The following ACTR3C variants were observed in gnomAD, a reference collection of about 807,000 sequenced individuals.
ACTR3C encodes the protein actin related protein 3C, also known as actin-related protein 3C.
ACTR3C carries 18 observed loss-of-function variants against 26.3 expected under a neutral mutation model. That is an observed-to-expected ratio of 0.68 (90% CI 0.47 to 1.01). ACTR3C has a LOEUF of 1.01. ACTR3C is among the 50% of genes least tolerant of loss of function. The probability of loss-of-function intolerance (pLI) is 0.00; values close to 1 mark genes in which losing one functional copy is unlikely to be tolerated. For synonymous variants in ACTR3C, 55 were observed against 94.5 expected (o/e 0.58, Z 2.42); for missense variants, 184 against 250.7 (o/e 0.73, Z 1.80).
At chr7:150,069,270 C>A in the ACTR3C span, among the ~76,000 whole-genome samples, 1 of 152,020 alleles carries the variant, frequency 6.6e-6, no homozygotes, top group South Asian at 2.1e-4. Context: ...ATAATTATGA[C>A]CTTTTTGTTT....
the ACTR3C span, among the ~76,000 whole-genome samples, chr7:150,041,698 CCCA>C: frequency 2.1e-5 from 3 of 145,114 alleles, no homozygotes; most frequent in East Asian, 2.1e-4. Flanking sequence ...ACTCTCAGTC[CCCA>C]CCCTCGCGGG....
chr7:150,288,908 T>C lies in ACTR3C; in HGVS notation c.297+542A>G, dbSNP rs1835990907. 2.0e-5 allele frequency among the ~76,000 whole-genome samples: 3 copies of C among 151,678 alleles called. No individual in the cohort carries two copies. The South Asian group carries it at 6.3e-4, about 32-fold the overall frequency. The stretch of plus-strand genomic sequence containing the variant: ...TTCCTTTCCTTCAGCCAGCCTCAGT[T>C]ACGAGGTGCTGAGAAGGGAGGAAGG... On this transcript the variant is annotated intron_variant, in intron 4 of 7. Coordinates refer to ENST00000683684, the MANE Select transcript of ACTR3C (RefSeq NM_001164458.2).
chr7:150,128,994 T>C, the ACTR3C span, among the ~76,000 whole-genome samples: 1 of 150,618 alleles, frequency 6.6e-6, no homozygotes. Context: ...AGGAGTTCGG[T>C]AAAGCTAGAC....
the ACTR3C span, among the ~76,000 whole-genome samples, chr7:149,929,651 C>G: frequency 6.6e-6 from 1 of 151,432 alleles, no homozygotes; most frequent in African/African-American, 2.4e-5. Flanking sequence ...CCTGAGCAGC[C>G]TCCAAAGCAG....
the ACTR3C span, among the ~76,000 whole-genome samples, chr7:150,130,914 A>C: frequency 2.1e-5 from 3 of 142,782 alleles, no homozygotes; most frequent in East Asian, 3.9e-4. Context: ...CATTTATATG[A>C]ATTCTAGAAA....
the ACTR3C span, among the ~76,000 whole-genome samples, chr7:150,037,729 A>AGCT: frequency 1.1e-5 from 1 of 88,474 alleles, no homozygotes; most frequent in African/African-American, 4.6e-5. Flanking sequence ...CCAGGGGGGA[A>AGCT]GAGGGTCTGG....
the ACTR3C span, among the ~76,000 whole-genome samples, chr7:149,887,444 A>G: frequency 6.6e-6 from 1 of 152,212 alleles, no homozygotes; most frequent in Non-Finnish European, 1.5e-5. Flanking sequence ...GCTGCAGTGC[A>G]TCTCCCCATG....
the ACTR3C span, among the ~76,000 whole-genome samples, chr7:149,905,234 CAG>C: frequency 1.3e-5 from 2 of 151,904 alleles, no homozygotes; most frequent in Admixed American, 1.3e-4. Flanking sequence ...GTATGGAACA[CAG>C]ATAAATACAT....
the ACTR3C span, among the ~76,000 whole-genome samples, chr7:150,211,371 T>A: frequency 6.6e-6 from 1 of 151,112 alleles, no homozygotes; most frequent in Admixed American, 6.5e-5. Flanking sequence ...AACCTCTACC[T>A]CCTGGGTTCA....
intron 6 of ACTR3C, among the ~76,000 whole-genome samples, chr7:150,265,500 C>T (rs1370667182): frequency 6.6e-6 from 1 of 151,962 alleles, no homozygotes; most frequent in Non-Finnish European, 1.5e-5. Context: ...TAGAGACCAG[C>T]CTGGCCAACA....
the ACTR3C span, among the ~76,000 whole-genome samples, chr7:150,079,095 A>G: frequency 2.8e-4 from 43 of 152,144 alleles, no homozygotes; most frequent in African/African-American, 1.0e-3. Flanking sequence ...CTCTGCCTCC[A>G]TTTTTCCCAT....
At chr7:150,069,979 G>A in the ACTR3C span, among the ~76,000 whole-genome samples, 99 of 152,292 alleles carry the variant, frequency 6.5e-4, 1 homozygote, top group African/African-American at 2.2e-3. Context: ...AGAGGAGAGC[G>A]TCAGATCCAA....
chr7:150,211,202 T>C, the ACTR3C span, among the ~76,000 whole-genome samples: 2,345 of 141,202 alleles, frequency 0.017, 195 homozygotes, highest in African/African-American at 0.071. Flanking sequence ...CCATTAAGTA[T>C]GTTTTACTAT....
At chr7:149,987,613 A>T in the ACTR3C span, among the ~76,000 whole-genome samples, 4 of 138,168 alleles carry the variant, frequency 2.9e-5, no homozygotes, top group Non-Finnish European at 4.8e-5. Context: ...GTAACAGCAT[A>T]CTAGAGTATA....
chr7:150,046,859 C>G, the ACTR3C span, among the ~76,000 whole-genome samples: 1 of 147,120 alleles, frequency 6.8e-6, no homozygotes, highest in Non-Finnish European at 1.5e-5. Context: ...TTCCAGCCCC[C>G]ATGAAGAGTA....
the ACTR3C span, among the ~76,000 whole-genome samples, chr7:149,915,478 A>G: frequency 6.6e-6 from 1 of 151,764 alleles, no homozygotes; most frequent in Non-Finnish European, 1.5e-5. Flanking sequence ...GCAGACAAAT[A>G]GAGACATGCC....
At chr7:150,168,823 C>T in the ACTR3C span, among the ~76,000 whole-genome samples, 78 of 150,802 alleles carry the variant, frequency 5.2e-4, 5 homozygotes, top group African/African-American at 1.8e-3. Context: ...GCCTGAGGAC[C>T]GGGCAGTGGG....
At chr7:150,215,420 A>C in the ACTR3C span, among the ~76,000 whole-genome samples, 2 of 152,090 alleles carry the variant, frequency 1.3e-5, no homozygotes, top group Non-Finnish European at 2.9e-5. Context: ...AGGAGCGCAA[A>C]TGGGTAAACA....
the ACTR3C span, among the ~76,000 whole-genome samples, chr7:149,893,153 A>G: frequency 1.3e-5 from 2 of 152,008 alleles, no homozygotes; most frequent in African/African-American, 4.8e-5. Context: ...TCCTGCTCAC[A>G]CTCTCGAGCT....
Sources: allele counts gnomAD v4.1 joint callset (sites outside exome capture counted in the v4.1 genomes callset), GRCh38; gene constraint gnomAD v4.1.1; transcripts MANE v1.5; gene names NCBI Gene and HGNC (gene_info 2026-07-23, HGNC 2026-07-21).